CACHD1: variants seen among roughly 807,000 people sequenced by gnomAD.
CACHD1 encodes VWFA and cache domain-containing protein 1.
In CACHD1, 71 loss-of-function variants were observed where a neutral mutation model predicts 138.7. The ratio of observed to expected loss-of-function variants is 0.51; its 90% CI spans 0.42 to 0.62. CACHD1 has a LOEUF of 0.62. CACHD1 is among the 20% of genes least tolerant of loss of function. CACHD1 has a pLI of 0.00. For synonymous variants in CACHD1, 578 were observed against 591.5 expected, an observed-to-expected ratio of 0.98 and a Z score of 0.33; for missense variants, 1,389 against 1,625.3, an observed-to-expected ratio of 0.85 and a Z score of 2.50.
intron 8 of CACHD1, 87 bp from the exon 9 acceptor site, chr1:64,647,713 CA>C: frequency 9.3e-7 from 1 of 1,078,718 alleles, no homozygotes; most frequent in Non-Finnish European, 1.4e-6. Context: ...AGACCTCATC[CA>C]TGCCCGTATT....
intron 1 of CACHD1, among the ~76,000 whole-genome samples, chr1:64,510,004 A>G (rs1333249786): frequency 1.3e-5 from 2 of 152,238 alleles, no homozygotes; most frequent in African/African-American, 2.4e-5. Flanking sequence ...TTATGATAGA[A>G]TAGTGAAGAG....
At chr1:64,490,251 G>T (rs2100295517) in intron 1 of CACHD1, among the ~76,000 whole-genome samples, 1 of 152,298 alleles carries the variant, frequency 6.6e-6, no homozygotes, top group East Asian at 1.9e-4. Context: ...AGGTCTGACT[G>T]GGCATGGTTT....
In CACHD1 at chr1:64,500,498, G is replaced by A. The variant is rs187303074; in HGVS notation, c.198+29556G>A. Among the ~76,000 whole-genome samples the A allele has an allele frequency of 9.2e-5, 14 of 152,200 alleles. No homozygotes were observed. In the East Asian group the frequency reaches 2.7e-3, roughly 29 times the overall value. On this transcript the variant is annotated intron_variant, in intron 1 of 26. Coordinates refer to ENST00000651257, the MANE Select transcript of CACHD1 (RefSeq NM_020925.4). ...GATTGGGCATGCAAACAAAACAAAT[G>A]AAACCCAGAATAGAACTTTCATAAA...
intron 10 of CACHD1, among the ~76,000 whole-genome samples, chr1:64,653,499 A>G (rs757392493): frequency 1.3e-5 from 2 of 151,670 alleles, no homozygotes; most frequent in African/African-American, 2.4e-5. Context: ...AGAATGTTTT[A>G]TAAAACAACA....
intron 4 of CACHD1, among the ~76,000 whole-genome samples, chr1:64,621,104 A>C (rs1449684259): frequency 1.3e-5 from 2 of 152,210 alleles, no homozygotes; most frequent in African/African-American, 4.8e-5. Context: ...CTGATAATTA[A>C]TACTTAAAAT....
intron 22 of CACHD1, 140 bp downstream of exon 22, chr1:64,677,151 CT>C: frequency 1.5e-6 from 1 of 654,540 alleles, no homozygotes. Flanking sequence ...TAAATGTTGT[CT>C]CGTTCCCACT....
intron 1 of CACHD1, chr1:64,506,038 A>G (rs1276763250): frequency 1.3e-5 from 2 of 152,156 alleles, no homozygotes; most frequent in African/African-American, 2.4e-5. Context: ...CCTGCATTTT[A>G]TTTTCAACCA....
At position 64,648,023 on chromosome 1, in the gene CACHD1, A is replaced by T. The variant is rs1311020532; in HGVS notation, c.1379A>T (p.Glu460Val). ...GTCTTCAGCCTGCCCTTCTCTGATGAGATGGGAGATGGTGAGTTTGGATAA... is the reference window on the plus strand; with the variant it reads ...GTCTTCAGCCTGCCCTTCTCTGATGTGATGGGAGATGGTGAGTTTGGATAA... The part of the protein sequence containing the change: ...EAVFSLPFSD[E>V]MGDGLIMTVS... Residue 460 changes from glutamate to valine, a missense_variant, in exon 9 of 27, where the codon GAG becomes GTG. Transcript: ENST00000651257. 12 of 1,611,532 alleles carry T rather than the reference A, an allele frequency of 7.4e-6. No individual in the cohort carries two copies. In the East Asian group the frequency reaches 2.7e-4, roughly 36 times the overall value.
At chr1:64,665,914 A>G (rs964462753) in intron 15 of CACHD1, 143 bp from the exon 16 acceptor site, 81 of 413,852 alleles carry the variant, frequency 2.0e-4, no homozygotes, top group Non-Finnish European at 6.1e-5. Flanking sequence ...CTGAGGCAGG[A>G]GAATGGCGTG....
intron 1 of CACHD1, among the ~76,000 whole-genome samples, chr1:64,503,400 CAAAA>C (rs1646350781): frequency 6.6e-6 from 1 of 152,042 alleles, no homozygotes; most frequent in African/African-American, 2.4e-5. Flanking sequence ...AAACCCAAAA[CAAAA>C]CAAAACAAAA....
intron 1 of CACHD1, among the ~76,000 whole-genome samples, chr1:64,529,893 G>C (rs1646568900): frequency 6.6e-6 from 1 of 152,110 alleles, no homozygotes; most frequent in Non-Finnish European, 1.5e-5. Context: ...CTTAAGTCTT[G>C]CCTCTAGGTC....
At chr1:64,588,208 A>G (rs1251661651) in intron 3 of CACHD1, among the ~76,000 whole-genome samples, 1 of 152,182 alleles carries the variant, frequency 6.6e-6, no homozygotes, top group African/African-American at 2.4e-5. Flanking sequence ...AAAATGTCTT[A>G]TCCATGTGCC....
chr1:64,632,085 C>T lies in CACHD1; in HGVS notation c.645-514C>T, dbSNP rs146694772. 7.4e-4 allele frequency among the ~76,000 whole-genome samples: 112 copies of T among 152,100 alleles called. 1 individual carries two copies. The highest frequency in any genetic ancestry group is 2.6e-3 in the African/African-American group (106 of 41,522). ...GGTGATGGGACCTTTTTCTCCTTGG[C>T]TGGTCTCTCAGCCCAAGGGACCACT... On this transcript the variant is annotated intron_variant, in intron 5 of 26. Coordinates refer to ENST00000651257, the MANE Select transcript of CACHD1 (RefSeq NM_020925.4).
intron 8 of CACHD1, among the ~76,000 whole-genome samples, chr1:64,645,396 C>T (rs1395226849): frequency 6.6e-6 from 1 of 152,044 alleles, no homozygotes; most frequent in Non-Finnish European, 1.5e-5. Flanking sequence ...GATTACTCTG[C>T]TGTGATTATT....
At chr1:64,589,471 A>AGCGTGTGTGTGTGTGCGT (rs1240990970) in intron 3 of CACHD1, among the ~76,000 whole-genome samples, 6 of 151,868 alleles carry the variant, frequency 4.0e-5, no homozygotes, top group African/African-American at 7.3e-5. Context: ...TAGAACCAAT[A>AGCGTGTGTGTGTGTGCGT]GCGTGTGTGT....
intron 4 of CACHD1, among the ~76,000 whole-genome samples, chr1:64,623,172 T>G (rs909936137): frequency 3.3e-5 from 5 of 152,044 alleles, no homozygotes; most frequent in African/African-American, 1.2e-4. Context: ...GAGGCCGAGG[T>G]GGGCAGATCA....
intron 9 of CACHD1, among the ~76,000 whole-genome samples, chr1:64,651,296 A>G (rs1649085123): frequency 6.6e-6 from 1 of 152,010 alleles, no homozygotes; most frequent in Non-Finnish European, 1.5e-5. Flanking sequence ...TTGGAAACTT[A>G]ATTTCTCCTT....
At chr1:64,529,346 C>A (rs960181626) in intron 1 of CACHD1, among the ~76,000 whole-genome samples, 1 of 152,144 alleles carries the variant, frequency 6.6e-6, no homozygotes, top group Non-Finnish European at 1.5e-5. Flanking sequence ...TGGAACCTAT[C>A]ATTGCTGGTC....
At chr1:64,592,467 T>A (rs1402477369) in intron 3 of CACHD1, among the ~76,000 whole-genome samples, 2 of 152,120 alleles carry the variant, frequency 1.3e-5, no homozygotes, top group Non-Finnish European at 2.9e-5. Flanking sequence ...AGGAAGAGAT[T>A]ATGAACAAAG....
Sources: gnomAD v4.1 joint callset for allele counts (sites outside exome capture counted in the v4.1 genomes callset) on GRCh38, gnomAD v4.1.1 for gene constraint, MANE v1.5 for transcripts, NCBI Gene and HGNC (gene_info 2026-07-23, HGNC 2026-07-21) for gene names.